PFAS: variants seen among roughly 807,000 people sequenced by gnomAD.
PFAS encodes the protein FGAM synthase.
Under a neutral mutation model 140.6 loss-of-function variants are expected in PFAS, and 97 were observed. The observed-to-expected ratio is 0.69, with a 90% confidence interval of 0.59 to 0.82. The LOEUF is 0.82. Among genes scored for constraint, PFAS ranks in the 40% least tolerant of loss-of-function variants. PFAS has a pLI of 0.00. For missense variants in PFAS, 1,656 were observed against 1,780.2 expected, an observed-to-expected ratio of 0.93 and a Z score of 1.26; for synonymous variants, 679 against 718.8, an observed-to-expected ratio of 0.94 and a Z score of 0.88.
Position 8,265,281 on chromosome 17 carries a change from C to A in PFAS, c.2281-7C>A. On this transcript the variant is annotated splice_polypyrimidine_tract_variant and splice_region_variant and intron_variant, in intron 18 of 27. Coordinates refer to ENST00000314666, the MANE Select transcript of PFAS (RefSeq NM_012393.3). ...CCCCTCTAATGCTGTGCCTCTGCCA[C>A]CCCCAGGATGTGAAGTGTAGCGGGA... is the stretch of plus-strand genomic sequence containing the variant. 1.2e-6 allele frequency: 2 copies of A among 1,610,652 alleles called. No homozygotes were observed.
Position 8,267,692 on chromosome 17 carries a change from C to G in PFAS, c.3382+27C>G, listed in dbSNP as rs750090513. Reference sequence around the variant, plus strand: ...TCAGTGTGCAGGCTTCTGCCCACTCCCTTCCCCCACATTCCTGAAGAGGTG... The same window carrying G: ...TCAGTGTGCAGGCTTCTGCCCACTCGCTTCCCCCACATTCCTGAAGAGGTG... On this transcript the variant is annotated intron_variant, in intron 26 of 27. Coordinates refer to ENST00000314666, the MANE Select transcript of PFAS (RefSeq NM_012393.3). This position sits in a 1 kb window ranked among gnomAD's most constrained non-coding sequence, Gnocchi z 4.9. 7.9e-7 allele frequency: 1 copy of G among 1,258,552 alleles called. No individual in the cohort carries two copies. Among genetic ancestry groups the G allele is most frequent in the Non-Finnish European group, 1.2e-6 (1 of 866,472 alleles). The allele number at this position is 1,258,552 out of a possible 1,614,324, so 78.0% of individuals were successfully genotyped here. A position where few individuals can be genotyped will look rare whatever the true frequency, so the allele number is the denominator to read the frequency against.
At chr17:8,249,030 G>T (rs1363191012), upstream of PFAS, among the ~76,000 whole-genome samples, 1 of 152,180 alleles carries the variant, frequency 6.6e-6, no homozygotes, top group Non-Finnish European at 1.5e-5. Flanking sequence ...TGCCACCAAA[G>T]CACAACTTTC....
At chr17:8,250,879 CATTG>C (rs1339607727) in intron 1 of PFAS, among the ~76,000 whole-genome samples, 1 of 151,786 alleles carries the variant, frequency 6.6e-6, no homozygotes, top group Non-Finnish European at 1.5e-5. Flanking sequence ...GTGTGAAAAT[CATTG>C]ATTGAAGAGT....
At chr17:8,256,442 C>A in intron 7 of PFAS, 35 bp downstream of exon 7, 1 of 1,613,716 alleles carries the variant, frequency 6.2e-7, no homozygotes, top group Non-Finnish European at 8.5e-7. Context: ...CGTCAGGACC[C>A]GGGGAGGGGA....
chr17:8,248,089 G>C (rs1988936139), upstream of PFAS: 1 of 596,272 alleles, frequency 1.7e-6, no homozygotes, highest in Non-Finnish European at 3.0e-6. Context: ...TGGGGGTGGG[G>C]ATGGGGGTGG....
At chr17:8,253,382 A>AT (rs982321463) in intron 1 of PFAS, among the ~76,000 whole-genome samples, 3 of 151,972 alleles carry the variant, frequency 2.0e-5, no homozygotes, top group African/African-American at 4.8e-5. Context: ...TAAAGACCAC[A>AT]TTTTGCAAGA....
At chr17:8,259,598 A>G (rs754392634) in intron 11 of PFAS, among the ~76,000 whole-genome samples, 26 of 152,002 alleles carry the variant, frequency 1.7e-4, no homozygotes, top group Non-Finnish European at 3.5e-4. Context: ...TCTGGGGAAT[A>G]CAGTCAGACC....
rs1300678633 is a variant in PFAS, at chr17:8,266,344, A to C, written c.2812A>C (p.Arg938=). ...CGLQVDVPVP[R]VDVLSVLFAE... ...GCTACAGGTGGATGTGCCTGTCCCC[A>C]GGGTTGATGGTAAGGAACCTGGGGT... is the stretch of plus-strand genomic sequence containing the variant. Residue 938 remains arginine, a synonymous_variant, in exon 22 of 28, where the codon AGG becomes CGG. Coordinates refer to ENST00000314666, the MANE Select transcript of PFAS (RefSeq NM_012393.3). This position sits in a 1 kb window ranked among gnomAD's most constrained non-coding sequence, Gnocchi z 5.0. 6.2e-7 allele frequency: 1 copy of C among 1,613,962 alleles called. No individual in the cohort carries two copies. The highest frequency in any genetic ancestry group is 2.2e-5 in the East Asian group (1 of 44,860).
At chr17:8,255,382 A>G in intron 4 of PFAS, 120 bp from the exon 5 acceptor site, 2 of 777,226 alleles carry the variant, frequency 2.6e-6, no homozygotes, top group Non-Finnish European at 2.1e-6. Context: ...AATCTGAGAA[A>G]AAGTGCCATA....
rs772233720 is a variant in PFAS, at chr17:8,268,517, C to T, written c.3383-16C>T. 7.5e-6 allele frequency: 12 copies of T among 1,602,962 alleles called. No individual in the cohort carries two copies. Among genetic ancestry groups the T allele is most frequent in the Admixed American group, 1.7e-5 (1 of 59,806 alleles). Reference sequence around the variant, plus strand: ...GGTCCTCCATGTCTCACCCTGACTTCCCTATTCCCTGCTAGGGTGGGCAGC... The same window carrying T: ...GGTCCTCCATGTCTCACCCTGACTTTCCTATTCCCTGCTAGGGTGGGCAGC... On this transcript the variant is annotated splice_polypyrimidine_tract_variant and intron_variant, in intron 26 of 27. Transcript: ENST00000314666.
intron 14 of PFAS, 51 bp downstream of exon 14, chr17:8,263,687 G>A: frequency 6.2e-7 from 1 of 1,605,648 alleles, no homozygotes; most frequent in South Asian, 1.1e-5. Flanking sequence ...GCCAGCCCCA[G>A]CCCGCTTCCA....
At position 8,266,220 on chromosome 17, in the gene PFAS, T is replaced by G. The variant is rs757444555; in HGVS notation, c.2702-14T>G. ...GGGTCCCGAGGTTGCTGAGCTTTCT[T>G]CTCCTTCCTCCAGACCGCCTCCTCT... On this transcript the variant is annotated splice_polypyrimidine_tract_variant and intron_variant, in intron 21 of 27. Coordinates refer to ENST00000314666, the MANE Select transcript of PFAS (RefSeq NM_012393.3). This position sits in a 1 kb window ranked among gnomAD's most constrained non-coding sequence, Gnocchi z 5.0. 1.2e-6 allele frequency: 2 copies of G among 1,613,440 alleles called. No individual in the cohort carries two copies. The highest frequency in any genetic ancestry group is 2.2e-5 in the South Asian group (2 of 91,026).
Position 8,263,005 on chromosome 17 carries a change from T to C in PFAS, c.1410+12T>C, listed in dbSNP as rs747329006. On this transcript the variant is annotated intron_variant, in intron 12 of 27. Coordinates refer to ENST00000314666, the MANE Select transcript of PFAS (RefSeq NM_012393.3). ...CTTCATCTGTGCAGGTGAGTGGGAATTGCTAAAGGTGCAGAATCCTTGATA... is the reference window on the plus strand; with the variant it reads ...CTTCATCTGTGCAGGTGAGTGGGAACTGCTAAAGGTGCAGAATCCTTGATA... The C allele has an allele frequency of 6.2e-7, 1 of 1,613,142 alleles. No homozygotes were observed. The highest frequency in any genetic ancestry group is 8.5e-7 in the Non-Finnish European group (1 of 1,179,186).
At position 8,269,395 on chromosome 17, in the gene PFAS, A is replaced by G. The variant is rs1055521697; in HGVS notation, c.*131A>G. ...TGGACAGACAAGGACCAAAATGCCA[A>G]AATCTCAGCGGACTCGATAATCTGC... On this transcript the variant is annotated 3_prime_UTR_variant, in exon 28 of 28. Transcript: ENST00000314666. The G allele has an allele frequency of 1.1e-5, 7 of 642,342 alleles. No homozygotes were observed. The highest frequency in any genetic ancestry group is 1.8e-5 in the African/African-American group (1 of 54,498). The allele number at this position is 642,342 out of a possible 1,614,324, so 39.8% of individuals were successfully genotyped here. A position where few individuals can be genotyped will look rare whatever the true frequency, so the allele number is the denominator to read the frequency against.
chr17:8,264,399 CG>C, intron 16 of PFAS, 62 bp downstream of exon 16: 1 of 1,612,090 alleles, frequency 6.2e-7, no homozygotes, highest in Non-Finnish European at 8.5e-7. Context: ...CTTTACCCTA[CG>C]TGCACTTTGT....
At chr17:8,252,105 C>T (rs541104911) in intron 1 of PFAS, among the ~76,000 whole-genome samples, 5 of 151,530 alleles carry the variant, frequency 3.3e-5, no homozygotes, top group African/African-American at 4.8e-5. Flanking sequence ...ACCAGCCTGG[C>T]GAACATAGGG....
intron 11 of PFAS, among the ~76,000 whole-genome samples, chr17:8,260,174 T>C (rs73247041): frequency 0.02 from 2,928 of 148,948 alleles, 104 homozygotes; most frequent in African/African-American, 0.068. Flanking sequence ...CATTATGAAG[T>C]ATTATGTAGT....
In PFAS at chr17:8,253,944, C is replaced by T; in HGVS notation, c.7C>T (p.Pro3Ser). 6.2e-7 allele frequency: 1 copy of T among 1,612,910 alleles called. No homozygotes were observed. Among genetic ancestry groups the T allele is most frequent in the Non-Finnish European group, 8.5e-7 (1 of 1,179,216 alleles). The change falls in exon 2 of 28, where the codon CCA becomes TCA. Residue 3 changes from proline to serine, a missense_variant. Coordinates refer to ENST00000314666, the MANE Select transcript of PFAS (RefSeq NM_012393.3). Reference protein sequence around the residue: MSPVLHFYVRPSG... With the variant: MSSVLHFYVRPSG... Reference sequence around the variant, plus strand: ...GCAAAGGACACCTGCAGAGATGTCCCCAGTCCTTCACTTCTATGTTCGTCC... The same window carrying T: ...GCAAAGGACACCTGCAGAGATGTCCTCAGTCCTTCACTTCTATGTTCGTCC...
In PFAS at chr17:8,255,681, C is replaced by T; in HGVS notation, c.564C>T (p.Asn188=). 1 of 1,583,540 alleles carries T rather than the reference C, an allele frequency of 6.3e-7. No homozygotes were observed. The highest frequency in any genetic ancestry group is 8.6e-7 in the Non-Finnish European group (1 of 1,166,732). Residue 188 remains asparagine, a synonymous_variant, in exon 5 of 28, where the codon AAC becomes AAT. Transcript: ENST00000314666. ...GCCGGCTTGCGCTGGAGAAGGCCAA[C>T]CAGGAGCTTGGTGAGTAGCTGGGGA... ...GEGRLALEKA[N]QELGLALDSW...
Sources: gnomAD v4.1 joint callset for allele counts (sites outside exome capture counted in the v4.1 genomes callset) on GRCh38, gnomAD v4.1.1 for gene constraint, Gnocchi (gnomAD v3.1) non-coding constraint, MANE v1.5 for transcripts, NCBI Gene and HGNC (gene_info 2026-07-23, HGNC 2026-07-21) for gene names.